XKR4: variants seen among roughly 807,000 people sequenced by gnomAD.
XKR4 encodes the protein XK related 4.
In XKR4, 12 loss-of-function variants were observed where a neutral mutation model predicts 53.9. The observed-to-expected ratio is 0.22, with a 90% CI of 0.14 to 0.36. The LOEUF (loss-of-function observed/expected upper bound fraction) is 0.36. XKR4 is among the 10% of genes least tolerant of loss of function. XKR4 has a pLI of 1.00. For synonymous variants in XKR4, 354 were observed against 362.4 expected (o/e 0.98, Z 0.26); for missense variants, 799 against 859.5 (o/e 0.93, Z 0.88).
rs1166258777 is a variant in XKR4 at position 55,247,855 on chromosome 8, CTTTT to C, written c.807-109807_807-109804del. On this transcript the variant is annotated intron_variant, in intron 1 of 2. Transcript: ENST00000327381. ...TTTCTTTTTCTTTCTTTCTTTCTTT[CTTTT>C]TTTTTTTTTTTTTTTGAGACAGAGT... Among the ~76,000 whole-genome samples the C allele has an allele frequency of 1.6e-3, 93 of 59,864 alleles. No individual in the cohort carries two copies. The South Asian group carries it at 0.041, about 26-fold the overall frequency. The allele number at this position is 59,864 out of a possible 152,430, so 39.3% of individuals were successfully genotyped here.
intron 1 of XKR4, among the ~76,000 whole-genome samples, chr8:55,185,739 T>C (rs377119585): frequency 9.2e-5 from 14 of 152,326 alleles, no homozygotes; most frequent in African/African-American, 3.4e-4. Flanking sequence ...TGGCTCTAGC[T>C]GAAATTGCAG....
intron 2 of XKR4, among the ~76,000 whole-genome samples, chr8:55,374,634 G>A (rs1563335352): frequency 6.6e-6 from 1 of 152,184 alleles, no homozygotes; most frequent in Non-Finnish European, 1.5e-5. Flanking sequence ...TAACAGTCCT[G>A]CAACAGGAAG....
intron 1 of XKR4, among the ~76,000 whole-genome samples, chr8:55,313,523 G>A (rs1819415905): frequency 6.6e-6 from 1 of 152,208 alleles, no homozygotes; most frequent in Non-Finnish European, 1.5e-5. Flanking sequence ...TTGGCCAAAA[G>A]AGGCCCAAGA....
At chr8:55,302,751 T>C (rs1156637830) in intron 1 of XKR4, among the ~76,000 whole-genome samples, 2 of 152,210 alleles carry the variant, frequency 1.3e-5, no homozygotes, top group Admixed American at 6.5e-5. Context: ...TTATTCTCTT[T>C]GAAGCAATTG....
chr8:55,499,934 G>A (rs1447962488), intron 2 of XKR4, among the ~76,000 whole-genome samples: 2 of 152,126 alleles, frequency 1.3e-5, no homozygotes, highest in Non-Finnish European at 2.9e-5. Flanking sequence ...ATGAAACAGA[G>A]TATGCATACC....
At chr8:55,155,729 G>A (rs901610158) in intron 1 of XKR4, among the ~76,000 whole-genome samples, 7 of 152,042 alleles carry the variant, frequency 4.6e-5, no homozygotes, top group African/African-American at 1.4e-4. Context: ...ATACCCACCC[G>A]AATCAAAAAT....
chr8:55,485,836 G>A (rs555580889), intron 2 of XKR4, among the ~76,000 whole-genome samples: 1 of 152,272 alleles, frequency 6.6e-6, no homozygotes. Context: ...CTAAGTATAA[G>A]GATGTTCTGG....
chr8:55,432,225 C>T (rs1805114339), intron 2 of XKR4, among the ~76,000 whole-genome samples: 1 of 152,080 alleles, frequency 6.6e-6, no homozygotes, highest in Non-Finnish European at 1.5e-5. Context: ...GCCAGGCCAC[C>T]TGGGTTGGAA....
rs76818088 is a variant in XKR4, at chr8:55,378,804, A to G, written c.1006+20927A>G. On this transcript the variant is annotated intron_variant, in intron 2 of 2. Transcript: ENST00000327381. ...ATGAGCGCATGTCTTACCTTGGCAG[A>G]GACTCAGTTTTCTCATCATCTAATA... 8.0e-3 allele frequency among the ~76,000 whole-genome samples: 1,224 copies of G among 152,324 alleles called. 15 individuals carry two copies. The highest frequency in any genetic ancestry group is 0.027 in the African/African-American group (1,142 of 41,562).
intron 1 of XKR4, among the ~76,000 whole-genome samples, chr8:55,309,855 C>T (rs778802847): frequency 2.0e-5 from 3 of 152,200 alleles, no homozygotes; most frequent in Non-Finnish European, 2.9e-5. Context: ...AGGGACAAAG[C>T]TATCTAATTC....
At chr8:55,517,214 C>T (rs1270411792) in intron 2 of XKR4, 1 of 151,950 alleles carries the variant, frequency 6.6e-6, no homozygotes, top group Non-Finnish European at 1.5e-5. Flanking sequence ...CATAGAAGCC[C>T]AGACTTTACC....
Position 55,452,065 on chromosome 8 carries a change from T to C in XKR4, c.1007-71216T>C, listed in dbSNP as rs990018866. On this transcript the variant is annotated intron_variant, in intron 2 of 2. Transcript: ENST00000327381. ...CTGAGGGAAGGACCCTTGTTCTTGG[T>C]GACTCGGGGTGGCTGGCCGGGTGTG... 3 of 704,468 alleles carry C rather than the reference T, an allele frequency of 4.3e-6. No homozygotes were observed. In the African/African-American group the frequency reaches 5.3e-5, roughly 12 times the overall value. The allele number at this position is 704,468 out of a possible 1,614,324, so 43.6% of individuals were successfully genotyped here. A position where few individuals can be genotyped will look rare whatever the true frequency, so the allele number is the denominator to read the frequency against.
chr8:55,323,004 C>T (rs1349843740), intron 1 of XKR4, among the ~76,000 whole-genome samples: 1 of 152,016 alleles, frequency 6.6e-6, no homozygotes, highest in Non-Finnish European at 1.5e-5. Context: ...CAACGTTTTG[C>T]CATTCAGTAT....
At chr8:55,265,526 G>A (rs973977630) in intron 1 of XKR4, among the ~76,000 whole-genome samples, 2 of 152,144 alleles carry the variant, frequency 1.3e-5, no homozygotes, top group African/African-American at 4.8e-5. Flanking sequence ...GGGAAGATAA[G>A]TAGGGTGTAA....
chr8:55,152,929 G>A (rs1816857210), intron 1 of XKR4, among the ~76,000 whole-genome samples: 1 of 152,102 alleles, frequency 6.6e-6, no homozygotes, highest in Non-Finnish European at 1.5e-5. Context: ...TAGCTCTAGG[G>A]TCTAACTTGA....
At chr8:55,290,864 T>C (rs931670681) in intron 1 of XKR4, among the ~76,000 whole-genome samples, 1 of 152,196 alleles carries the variant, frequency 6.6e-6, no homozygotes, top group Admixed American at 6.5e-5. Flanking sequence ...TGGGGTCTTT[T>C]GCAGAGCAAA....
At chr8:55,262,971 C>T (rs1394858937) in intron 1 of XKR4, among the ~76,000 whole-genome samples, 2 of 152,074 alleles carry the variant, frequency 1.3e-5, no homozygotes, top group Non-Finnish European at 2.9e-5. Flanking sequence ...AGGGAGATAC[C>T]TTCCCAAGTC....
chr8:55,135,480 A>T, intron 1 of XKR4: 1 of 401,012 alleles, frequency 2.5e-6, no homozygotes, highest in Admixed American at 2.6e-5. Flanking sequence ...TCATATCTGA[A>T]TCGGTGGCTT....
chr8:55,206,221 C>T (rs553251909), intron 1 of XKR4, among the ~76,000 whole-genome samples: 7 of 151,976 alleles, frequency 4.6e-5, no homozygotes, highest in East Asian at 1.9e-4. Flanking sequence ...GCCACTGGGG[C>T]TGGGTGGCCA....
Sources: allele counts gnomAD v4.1 joint callset (sites outside exome capture counted in the v4.1 genomes callset), GRCh38; gene constraint gnomAD v4.1.1; transcripts MANE v1.5; gene names NCBI Gene and HGNC (gene_info 2026-07-23, HGNC 2026-07-21).